The following ROBO2 variants were observed in gnomAD, a reference collection of about 807,000 sequenced individuals.
ROBO2 encodes roundabout guidance receptor 2.
In ROBO2, 53 loss-of-function variants were observed where a neutral mutation model predicts 160.8. The ratio of observed to expected loss-of-function variants is 0.33; its 90% CI spans 0.26 to 0.41. ROBO2 has a LOEUF of 0.41. Among genes scored for constraint, ROBO2 ranks in the 10% least tolerant of loss-of-function variants. ROBO2 has a pLI of 1.00. For synonymous variants in ROBO2, 664 were observed against 611.7 expected, an observed-to-expected ratio of 1.09 and a Z score of -1.26; for missense variants, 1,577 against 1,722.4, an observed-to-expected ratio of 0.92 and a Z score of 1.49.
chr3:77,382,813 C>T (rs2073680865), intron 2 of ROBO2, among the ~76,000 whole-genome samples: 1 of 152,198 alleles, frequency 6.6e-6, no homozygotes, highest in Non-Finnish European at 1.5e-5. Flanking sequence ...TTTATCCACT[C>T]ATTAGTCAAT....
intron 2 of ROBO2, among the ~76,000 whole-genome samples, chr3:77,182,279 T>C (rs2080860449): frequency 6.6e-6 from 1 of 152,104 alleles, no homozygotes; most frequent in African/African-American, 2.4e-5. Flanking sequence ...AATTTACTTG[T>C]TCATTCAACA....
chr3:76,826,174 A>G (rs1273375692), intron 2 of ROBO2, among the ~76,000 whole-genome samples: 3 of 152,054 alleles, frequency 2.0e-5, no homozygotes, highest in Non-Finnish European at 4.4e-5. Flanking sequence ...GGCTGTGATC[A>G]TCTTTGAAAA....
intron 2 of ROBO2, among the ~76,000 whole-genome samples, chr3:76,987,364 A>G (rs933549657): frequency 1.3e-5 from 2 of 152,210 alleles, no homozygotes; most frequent in Admixed American, 1.3e-4. Context: ...GGGGGAGGGA[A>G]TCATGCGTCA....
intron 19 of ROBO2, among the ~76,000 whole-genome samples, chr3:77,599,878 A>T (rs749222964): frequency 1.6e-4 from 24 of 152,284 alleles, no homozygotes; most frequent in Middle Eastern, 3.4e-3. Context: ...CATAAATCCC[A>T]TATGCTCCTG....
chr3:76,399,696 T>C (rs1226439024), intron 2 of ROBO2, among the ~76,000 whole-genome samples: 3 of 151,750 alleles, frequency 2.0e-5, no homozygotes, highest in African/African-American at 7.2e-5. Context: ...GTATGAGGCT[T>C]TGCCAAAGAA....
intron 21 of ROBO2, among the ~76,000 whole-genome samples, chr3:77,614,753 C>CCAAA (rs541001589): frequency 6.4e-4 from 91 of 142,220 alleles, no homozygotes; most frequent in South Asian, 3.8e-3. Flanking sequence ...AACCAACCAA[C>CCAAA]CAAACAAACA....
At chr3:77,216,387 A>G (rs914819360) in intron 2 of ROBO2, among the ~76,000 whole-genome samples, 6 of 152,184 alleles carry the variant, frequency 3.9e-5, no homozygotes, top group South Asian at 2.1e-4. Flanking sequence ...GGCACAAGAT[A>G]TAATCTCCTG....
In ROBO2 at chr3:77,307,325, C is replaced by T. The variant is rs188191705; in HGVS notation, c.389-170089C>T. Among the ~76,000 whole-genome samples, 624 of 152,220 alleles carry T rather than the reference C, an allele frequency of 4.1e-3. 5 individuals carry two copies. The highest frequency in any genetic ancestry group is 3.4e-3 in the Non-Finnish European group (229 of 68,004). On this transcript the variant is annotated intron_variant, in intron 2 of 25. Coordinates refer to ENST00000461745, the Ensembl canonical transcript of ROBO2. ...TTTTATTTAATATTGGAAAATTATA[C>T]ATTAGATAATGTTTTCTAGAAATTA...
At chr3:77,239,041 A>G (rs1372343064) in intron 2 of ROBO2, among the ~76,000 whole-genome samples, 1 of 152,174 alleles carries the variant, frequency 6.6e-6, no homozygotes, top group East Asian at 1.9e-4. Context: ...CCACAGACAC[A>G]AAAAGTCAGT....
At position 77,364,340 on chromosome 3, in the gene ROBO2, C is replaced by T. The variant is rs148906542; in HGVS notation, c.389-113074C>T. Among the ~76,000 whole-genome samples the T allele has an allele frequency of 4.9e-3, 744 of 152,174 alleles. 4 individuals carry two copies. The highest frequency in any genetic ancestry group is 8.4e-3 in the Non-Finnish European group (570 of 68,002). ...CCTCACAAATGGGTCACTTGTTAGC[C>T]TTGGGGCACCAGGGCAGAGTTTGAT... On this transcript the variant is annotated intron_variant, in intron 2 of 25. Coordinates refer to ENST00000461745, the Ensembl canonical transcript of ROBO2.
chr3:76,657,665 T>C (rs995279548), intron 2 of ROBO2, among the ~76,000 whole-genome samples: 2 of 114,168 alleles, frequency 1.8e-5, no homozygotes, highest in African/African-American at 8.2e-5. Context: ...TTCATATATA[T>C]GTGTATATAT....
intron 2 of ROBO2, among the ~76,000 whole-genome samples, chr3:76,994,220 A>G (rs2060859183): frequency 6.6e-6 from 1 of 152,144 alleles, no homozygotes; most frequent in Non-Finnish European, 1.5e-5. Context: ...TGTGCCATGT[A>G]TCCAACAACA....
At chr3:77,220,618 G>A (rs1030150045) in intron 2 of ROBO2, among the ~76,000 whole-genome samples, 6 of 152,050 alleles carry the variant, frequency 3.9e-5, no homozygotes, top group African/African-American at 1.4e-4. Flanking sequence ...CTGTCAAGAT[G>A]ATTAAATGGA....
At chr3:77,605,770 T>G (rs1361731969) in intron 20 of ROBO2, among the ~76,000 whole-genome samples, 1 of 152,194 alleles carries the variant, frequency 6.6e-6, no homozygotes, top group African/African-American at 2.4e-5. Flanking sequence ...CCTCAGTTGC[T>G]TCATCTATAA....
chr3:77,601,390 T>C (rs2094427059), intron 19 of ROBO2, among the ~76,000 whole-genome samples: 1 of 152,118 alleles, frequency 6.6e-6, no homozygotes, highest in Non-Finnish European at 1.5e-5. Flanking sequence ...AAAGGGAAAA[T>C]AAGAGCTCAG....
At chr3:76,771,247 C>A (rs2061888633) in intron 2 of ROBO2, among the ~76,000 whole-genome samples, 1 of 151,214 alleles carries the variant, frequency 6.6e-6, no homozygotes, top group African/African-American at 2.4e-5. Flanking sequence ...CACCGATGAT[C>A]TTCTTACATT....
intron 1 of ROBO2, among the ~76,000 whole-genome samples, chr3:77,082,876 G>A (rs1319278584): frequency 6.6e-6 from 1 of 151,708 alleles, no homozygotes; most frequent in East Asian, 1.9e-4. Flanking sequence ...TATTTAATAG[G>A]AGATTCTTTA....
intron 2 of ROBO2, among the ~76,000 whole-genome samples, chr3:76,487,997 A>G (rs1232234336): frequency 3.9e-5 from 6 of 152,300 alleles, no homozygotes; most frequent in Admixed American, 1.3e-4. Context: ...ATATTCTACC[A>G]TTAGAAGCAA....
At chr3:77,328,849 A>C (rs983404506) in intron 2 of ROBO2, among the ~76,000 whole-genome samples, 1 of 152,226 alleles carries the variant, frequency 6.6e-6, no homozygotes, top group Non-Finnish European at 1.5e-5. Flanking sequence ...ACAAGAATGC[A>C]TCCCATCTGA....
Sources: allele counts gnomAD v4.1 joint callset (sites outside exome capture counted in the v4.1 genomes callset), GRCh38; gene constraint gnomAD v4.1.1; transcripts MANE v1.5; gene names NCBI Gene and HGNC (gene_info 2026-07-23, HGNC 2026-07-21).